LIN28B: variants seen among roughly 807,000 people sequenced by gnomAD.
LIN28B encodes protein lin-28 homolog B.
Under a neutral mutation model 21.9 loss-of-function variants are expected in LIN28B, and 5 were observed. That is an observed-to-expected ratio of 0.23 (90% CI 0.12 to 0.48). The LOEUF is 0.48. LIN28B is among the 20% of genes least tolerant of loss of function. The pLI, the probability that LIN28B is intolerant of heterozygous loss-of-function variation, is 0.98. For missense variants in LIN28B, 245 were observed against 310.5 expected (o/e 0.79, Z 1.58); for synonymous variants, 109 against 111.3 (o/e 0.98, Z 0.13).
At chr6:104,947,059 TATGTA>T (rs533551602) in intron 2 of LIN28B, among the ~76,000 whole-genome samples, 68 of 152,316 alleles carry the variant, frequency 4.5e-4, no homozygotes, top group African/African-American at 1.6e-3. Flanking sequence ...TTCTGAGTAA[TATGTA>T]ATGTAGTAGT....
intron 3 of LIN28B, among the ~76,000 whole-genome samples, chr6:105,034,325 A>G (rs908466359): frequency 6.6e-6 from 1 of 151,974 alleles, no homozygotes; most frequent in African/African-American, 2.4e-5. Context: ...AAAATAATAC[A>G]TTCTGCTGCT....
chr6:104,986,314 T>C (rs1463568428), intron 2 of LIN28B, among the ~76,000 whole-genome samples: 2 of 152,178 alleles, frequency 1.3e-5, no homozygotes, highest in African/African-American at 4.8e-5. Context: ...GGTTATTTGT[T>C]TATAGCAGTG....
At chr6:105,066,243 A>G (rs1772216551) in intron 3 of LIN28B, among the ~76,000 whole-genome samples, 2 of 152,238 alleles carry the variant, frequency 1.3e-5, no homozygotes, top group African/African-American at 4.8e-5. Flanking sequence ...TTCAGTAGTC[A>G]GTCAGCCATA....
In LIN28B at chr6:105,020,898, G is replaced by A. The variant is rs188765543; in HGVS notation, c.199-5400G>A. Among the ~76,000 whole-genome samples, 859 of 151,590 alleles carry A rather than the reference G, an allele frequency of 5.7e-3. 6 individuals are homozygous for A. Among genetic ancestry groups the A allele is most frequent in the African/African-American group, 0.02 (840 of 41,360 alleles). ...TTCCCGAGTAGCTGGGACTACAGACGCCCACCACCACGCCCGGCTAATTTT... is the reference window on the plus strand; with the variant it reads ...TTCCCGAGTAGCTGGGACTACAGACACCCACCACCACGCCCGGCTAATTTT... On this transcript the variant is annotated intron_variant, in intron 2 of 3. Transcript: ENST00000345080.
chr6:105,056,048 A>C (rs1410030188), intron 3 of LIN28B, among the ~76,000 whole-genome samples: 1 of 149,296 alleles, frequency 6.7e-6, no homozygotes, highest in African/African-American at 2.5e-5. Flanking sequence ...AGCATGAGCC[A>C]CTGTGCCCAG....
At chr6:105,039,529 A>C (rs1284312786) in intron 3 of LIN28B, among the ~76,000 whole-genome samples, 2 of 152,184 alleles carry the variant, frequency 1.3e-5, no homozygotes, top group Non-Finnish European at 2.9e-5. Context: ...TTTTAAAACC[A>C]TCAAATGATA....
intron 3 of LIN28B, among the ~76,000 whole-genome samples, chr6:105,045,264 A>T (rs1771729123): frequency 6.7e-6 from 1 of 150,348 alleles, no homozygotes; most frequent in African/African-American, 2.4e-5. Flanking sequence ...GGAATACTTC[A>T]TAAATTTGTA....
At chr6:104,956,284 A>G (rs894818164), upstream of LIN28B, among the ~76,000 whole-genome samples, 6 of 151,864 alleles carry the variant, frequency 4.0e-5, no homozygotes, top group South Asian at 2.1e-4. Flanking sequence ...AACAATCGCC[A>G]CTGATTGAGG....
chr6:105,066,988 T>C lies in LIN28B; in HGVS notation c.384-11426T>C, dbSNP rs1772231865. Among the ~76,000 whole-genome samples the C allele has an allele frequency of 3.9e-5, 6 of 152,322 alleles. 1 individual carries two copies. In the South Asian group the frequency reaches 1.2e-3, roughly 32 times the overall value. On this transcript the variant is annotated intron_variant, in intron 3 of 3. Coordinates refer to ENST00000345080, the MANE Select transcript of LIN28B (RefSeq NM_001004317.4). ...CTAGTGGAATTGTATTTCTTCAGGCTGAGCTGATGCTTATTTACAGCAGAT... is the reference window on the plus strand; with the variant it reads ...CTAGTGGAATTGTATTTCTTCAGGCCGAGCTGATGCTTATTTACAGCAGAT...
rs551728539 is a variant in LIN28B at position 105,026,155 on chromosome 6, A to G, written c.199-143A>G. ...TTGCAAAAAGAAACTTTAAAATGGT[A>G]TATGTTTCACTGAACTTAAGACTTT... On this transcript the variant is annotated intron_variant, in intron 2 of 3. Transcript: ENST00000345080. The G allele has an allele frequency of 3.5e-5, 16 of 456,404 alleles. No individual in the cohort carries two copies. In the East Asian group the frequency reaches 4.9e-4, roughly 14 times the overall value. 28.3% of individuals were successfully genotyped at this position (456,404 alleles called of 1,614,324 possible).
At chr6:105,026,653 A>G (rs1268941577) in intron 3 of LIN28B, among the ~76,000 whole-genome samples, 171 bp downstream of exon 3, 1 of 152,170 alleles carries the variant, frequency 6.6e-6, no homozygotes, top group Non-Finnish European at 1.5e-5. Context: ...TTATCTGCAG[A>G]ATGTACTGAA....
intron 3 of LIN28B, among the ~76,000 whole-genome samples, chr6:105,071,091 G>C (rs1303069680): frequency 6.6e-6 from 1 of 152,024 alleles, no homozygotes; most frequent in Non-Finnish European, 1.5e-5. Context: ...TGGCCTGGCT[G>C]GTCTCAAACT....
chr6:105,075,748 C>T (rs962966964), intron 3 of LIN28B, among the ~76,000 whole-genome samples: 3 of 152,172 alleles, frequency 2.0e-5, no homozygotes, highest in Non-Finnish European at 4.4e-5. Flanking sequence ...ACATCAGGCT[C>T]CTGGTCAATG....
At chr6:104,989,590 T>TTG (rs1554186195) in intron 2 of LIN28B, among the ~76,000 whole-genome samples, 1 of 142,404 alleles carries the variant, frequency 7.0e-6, no homozygotes. Flanking sequence ...TTTTTTTTTT[T>TTG]TTTTTTTTTT....
At chr6:105,062,612 G>A (rs1772143629) in intron 3 of LIN28B, among the ~76,000 whole-genome samples, 1 of 152,086 alleles carries the variant, frequency 6.6e-6, no homozygotes, top group South Asian at 2.1e-4. Flanking sequence ...TTCATAATGG[G>A]TGATTTCCGT....
At chr6:105,011,142 C>T (rs1417689382) in intron 2 of LIN28B, among the ~76,000 whole-genome samples, 1 of 152,104 alleles carries the variant, frequency 6.6e-6, no homozygotes, top group Non-Finnish European at 1.5e-5. Context: ...GGCCAGTATG[C>T]TTACTGCCCA....
chr6:105,065,060 G>A (rs147241550), intron 3 of LIN28B, among the ~76,000 whole-genome samples: 3 of 152,300 alleles, frequency 2.0e-5, no homozygotes, highest in East Asian at 1.9e-4. Flanking sequence ...GGGATTCAAC[G>A]GCTCTTCCCA....
At chr6:104,983,633 A>G (rs908407820) in intron 2 of LIN28B, among the ~76,000 whole-genome samples, 5 of 152,110 alleles carry the variant, frequency 3.3e-5, no homozygotes, top group Admixed American at 6.5e-5. Context: ...CTGGAGTGCA[A>G]TGGTGCTATC....
chr6:105,015,184 T>G lies in LIN28B; in HGVS notation c.199-11114T>G, dbSNP rs1771002750. On this transcript the variant is annotated intron_variant, in intron 2 of 3. Transcript: ENST00000345080. ...ATTCTCTTTATAATTCTGTCAGTTC[T>G]TGATTTGTGCATCTCAAAGCTCTGT... Among the ~76,000 whole-genome samples the G allele has an allele frequency of 7.9e-5, 12 of 152,306 alleles. 1 individual carries two copies. In the South Asian group the frequency reaches 2.5e-3, roughly 32 times the overall value.
Sources: gnomAD v4.1 joint callset for allele counts (sites outside exome capture counted in the v4.1 genomes callset) on GRCh38, gnomAD v4.1.1 for gene constraint, MANE v1.5 for transcripts, NCBI Gene and HGNC (gene_info 2026-07-23, HGNC 2026-07-21) for gene names.